Variants in JADE2 observed in about 807,000 individuals in gnomAD.
The protein encoded by JADE2 is jade family PHD finger 2, also known as E3 ubiquitin-protein ligase Jade-2.
JADE2 carries 13 observed loss-of-function variants against 85.7 expected under a neutral mutation model. The ratio of observed to expected loss-of-function variants is 0.15; its 90% confidence interval spans 0.10 to 0.24. The LOEUF (loss-of-function observed/expected upper bound fraction) is 0.24. Among genes scored for constraint, JADE2 ranks in the 10% least tolerant of loss-of-function variants. JADE2 has a pLI of 1.00. For missense variants in JADE2, 846 were observed against 1,115.9 expected (o/e 0.76, Z 3.45); for synonymous variants, 440 against 456.1 (o/e 0.96, Z 0.45).
In JADE2 at chr5:134,580,433, C is replaced by CCA. The variant is rs1554131268; in HGVS notation, c.*1117_*1118insAC. On this transcript the variant is annotated 3_prime_UTR_variant, in exon 12 of 12. Coordinates refer to ENST00000681547, the MANE Select transcript of JADE2 (RefSeq NM_001388185.1). Reference sequence around the variant, plus strand: ...AACCCCTCGCACAGCCATCCCCCCCCCCGTCCTGCCATCCCCCCCCGCCGT... The same window carrying CCA: ...AACCCCTCGCACAGCCATCCCCCCCCCACCGTCCTGCCATCCCCCCCCGCCGT... 1.6e-5 allele frequency: 2 copies of CCA among 128,862 alleles called. No homozygotes were observed. Among genetic ancestry groups the CCA allele is most frequent in the East Asian group, 5.8e-4 (2 of 3,464 alleles). The allele number at this position is 128,862 out of a possible 1,614,324, so 8.0% of individuals were successfully genotyped here.
intron 1 of JADE2, among the ~76,000 whole-genome samples, chr5:134,531,210 G>A (rs1761212808): frequency 6.6e-6 from 1 of 152,160 alleles, no homozygotes; most frequent in Admixed American, 6.5e-5. Flanking sequence ...TGTGCACAGG[G>A]CTCGAAGTAT....
chr5:134,541,280 G>A (rs1223021811), intron 3 of JADE2, among the ~76,000 whole-genome samples: 1 of 152,234 alleles, frequency 6.6e-6, no homozygotes, highest in East Asian at 1.9e-4. Context: ...AGCCGTGGCC[G>A]GCATAAATTC....
intron 9 of JADE2, among the ~76,000 whole-genome samples, chr5:134,570,562 CCGGGTTTCCG>C (rs1044429776): frequency 1.3e-5 from 2 of 152,204 alleles, no homozygotes; most frequent in African/African-American, 4.8e-5. Flanking sequence ...CCCACTCTGG[CCGGGTTTCCG>C]CCACATCCCA....
In JADE2 at chr5:134,581,917, T is replaced by G. The variant is rs1328191970; in HGVS notation, c.*2600T>G. ...CTCCCCCAGTTCCCAGCCTTTCCCC[T>G]GTTGGTCACAGCCGCTTCTGTCTTT... On this transcript the variant is annotated 3_prime_UTR_variant, in exon 12 of 12. Transcript: ENST00000681547. 1 of 152,376 alleles carries G rather than the reference T, an allele frequency of 6.6e-6. No homozygotes were observed. Among genetic ancestry groups the G allele is most frequent in the Non-Finnish European group, 1.5e-5 (1 of 68,174 alleles). The allele number at this position is 152,376 out of a possible 1,614,324, so 9.4% of individuals were successfully genotyped here. A position where few individuals can be genotyped will look rare whatever the true frequency, so the allele number is the denominator to read the frequency against.
rs757432320 is a variant in JADE2, at chr5:134,578,991, G to A, written c.2179G>A (p.Glu727Lys). 1.7e-5 allele frequency: 27 copies of A among 1,613,676 alleles called. No homozygotes were observed. The highest frequency in any genetic ancestry group is 1.6e-4 in the Middle Eastern group (1 of 6,084). ...GCCACTGGCCCCTGAGACCCCGGAC[G>A]AGGCAGCCTCAGTAGCTGCTGACTC... ...PPPLAPETPD[E>K]AASVAADSDV... The change falls in exon 12 of 12, where the codon GAG becomes AAG. Residue 727 changes from glutamate (E) to lysine (K), a missense_variant. Glu to Lys is a moderately conservative substitution (Grantham distance 56). Around this residue, in one of 9 missense-constraint regions of JADE2, gnomAD observed 300 missense variants for 300.7 expected, o/e 1.00. Transcript: ENST00000681547. This position sits in a 1 kb window ranked among gnomAD's most constrained non-coding sequence, Gnocchi z 4.4.
Position 134,566,583 on chromosome 5 carries a change from G to A in JADE2, c.1434+3G>A. The A allele has an allele frequency of 6.5e-7, 1 of 1,545,040 alleles. No homozygotes were observed. Among genetic ancestry groups the A allele is most frequent in the Non-Finnish European group, 8.8e-7 (1 of 1,142,436 alleles). ...ATCTGCGGCAGGACCTAGAGAGGGT[G>A]AGTCCCCATGCCGCCTGCCCACCCC... On this transcript the variant is annotated splice_donor_region_variant and intron_variant, in intron 9 of 11. Transcript: ENST00000681547. The surrounding 1 kb of genome is among the most constrained non-coding windows in gnomAD (Gnocchi z 6.7).
rs1206322597 is a variant in JADE2 at position 134,552,985 on chromosome 5, G to A, written c.311+776G>A. 1.2e-4 allele frequency among the ~76,000 whole-genome samples: 11 copies of A among 88,978 alleles called. No individual in the cohort carries two copies. In the Admixed American group the frequency reaches 1.5e-3, roughly 12 times the overall value. The allele number at this position is 88,978 out of a possible 152,430, so 58.4% of individuals were successfully genotyped here. A position where few individuals can be genotyped will look rare whatever the true frequency, so the allele number is the denominator to read the frequency against. On this transcript the variant is annotated intron_variant, in intron 4 of 11. Transcript: ENST00000681547. ...AGCCAGCCGTAAGCCTCTGGGCCTG[G>A]CCTTTTTTTTTTTTTTTTTTTTTTT...
At chr5:134,574,211 T>G (rs1764224797) in intron 10 of JADE2, 1 of 254,738 alleles carries the variant, frequency 3.9e-6, no homozygotes, top group African/African-American at 2.3e-5. Flanking sequence ...TGGCTGTTGT[T>G]TCTCTCTGAC....
intron 1 of JADE2, 138 bp downstream of exon 1, chr5:134,526,149 T>G: frequency 3.0e-6 from 3 of 985,352 alleles, no homozygotes; most frequent in Non-Finnish European, 3.6e-6. Flanking sequence ...GCTGGCTGCC[T>G]GTTCTAGGAA....
chr5:134,576,160 C>T (rs1203602720), intron 10 of JADE2, among the ~76,000 whole-genome samples: 1 of 152,178 alleles, frequency 6.6e-6, no homozygotes, highest in East Asian at 1.9e-4. Flanking sequence ...GATTGTACTA[C>T]TGCGCTCCAT....
At chr5:134,577,728 C>T (rs1479476478) in intron 11 of JADE2, among the ~76,000 whole-genome samples, 2 of 152,152 alleles carry the variant, frequency 1.3e-5, no homozygotes, top group African/African-American at 2.4e-5. Flanking sequence ...AAGGGGATAA[C>T]TTGGGTGTCT....
At chr5:134,548,120 T>C (rs923160946) in intron 3 of JADE2, among the ~76,000 whole-genome samples, 2 of 152,334 alleles carry the variant, frequency 1.3e-5, no homozygotes, top group East Asian at 1.9e-4. Context: ...CAGGGCCTCA[T>C]TGGCTCTGCA....
chr5:134,543,844 G>A (rs1163054900), intron 3 of JADE2, among the ~76,000 whole-genome samples: 1 of 152,150 alleles, frequency 6.6e-6, no homozygotes, highest in African/African-American at 2.4e-5. Flanking sequence ...GAGGGAGGGA[G>A]GCTCTCCAGC....
At chr5:134,570,031 C>T (rs915225903) in intron 9 of JADE2, among the ~76,000 whole-genome samples, 1 of 152,178 alleles carries the variant, frequency 6.6e-6, no homozygotes, top group African/African-American at 2.4e-5. Context: ...CCTTCTTTGT[C>T]CTGCTTTCTT....
In JADE2 at chr5:134,525,990, C is replaced by T. The variant is rs570287830; in HGVS notation, c.-22C>T. 525 of 985,534 alleles carry T rather than the reference C, an allele frequency of 5.3e-4. 2 individuals are homozygous for T. The African/African-American group carries it at 7.6e-3, about 14-fold the overall frequency. The allele number at this position is 985,534 out of a possible 1,614,324, so 61.0% of individuals were successfully genotyped here. ...GCGCGTAGCCGAGGGCAGCGCCCGT[C>T]AGGGGGGCACCGCGGAGCAAGGTAA... On this transcript the variant is annotated 5_prime_UTR_variant, in exon 1 of 12. Coordinates refer to ENST00000681547, the MANE Select transcript of JADE2 (RefSeq NM_001388185.1).
chr5:134,535,934 G>A lies in JADE2; in HGVS notation c.58+19G>A, dbSNP rs1316169165. ...ACTGACAGTAAGGCCTTCCAGTTTG[G>A]GCTCCTACAGGGAAAGCATTTGAAC... On this transcript the variant is annotated intron_variant, in intron 2 of 11. Transcript: ENST00000681547. The A allele has an allele frequency of 6.2e-7, 1 of 1,609,238 alleles. No homozygotes were observed. The highest frequency in any genetic ancestry group is 1.7e-5 in the Admixed American group (1 of 59,992).
chr5:134,559,607 G>A (rs1466668791), intron 4 of JADE2, among the ~76,000 whole-genome samples: 1 of 152,202 alleles, frequency 6.6e-6, no homozygotes, highest in African/African-American at 2.4e-5. Flanking sequence ...TGCCCTTTGG[G>A]TTTTCTGTGT....
Position 134,566,214 on chromosome 5 carries a change from G to A in JADE2, c.1068G>A (p.Lys356=), listed in dbSNP as rs1388104945. ...TATTAGCAGACAACGATGAGGTCAAGTTCAAGTCATTCTGCCAGGAGCACA... is the reference window on the plus strand; with the variant it reads ...TATTAGCAGACAACGATGAGGTCAAATTCAAGTCATTCTGCCAGGAGCACA... ...RTILADNDEV[K]FKSFCQEHSD... The change falls in exon 9 of 12, where the codon AAG becomes AAA. Residue 356 remains lysine, a synonymous_variant. Coordinates refer to ENST00000681547, the MANE Select transcript of JADE2 (RefSeq NM_001388185.1). The surrounding 1 kb of genome is among the most constrained non-coding windows in gnomAD (Gnocchi z 6.7). 3 of 1,614,142 alleles carry A rather than the reference G, an allele frequency of 1.9e-6. No homozygotes were observed. The highest frequency in any genetic ancestry group is 8.5e-7 in the Non-Finnish European group (1 of 1,180,040).
In JADE2 at chr5:134,582,388, C is replaced by G. The variant is rs1238323816; in HGVS notation, c.*3071C>G. The G allele has an allele frequency of 2.0e-5, 3 of 150,218 alleles. No individual in the cohort carries two copies. The allele number at this position is 150,218 out of a possible 1,614,324, so 9.3% of individuals were successfully genotyped here. A position where few individuals can be genotyped will look rare whatever the true frequency, so the allele number is the denominator to read the frequency against. On this transcript the variant is annotated 3_prime_UTR_variant, in exon 12 of 12. Transcript: ENST00000681547. The stretch of plus-strand genomic sequence containing the variant: ...GTGGGGGGTGTGCCAGGCCACGTCT[C>G]GTGTGTCCGTATGCAGGCATGCCTG...
Sources: allele counts gnomAD v4.1 joint callset (sites outside exome capture counted in the v4.1 genomes callset), GRCh38; gene constraint gnomAD v4.1.1; regional missense constraint gnomAD v4.1.1; non-coding constraint Gnocchi (gnomAD v3.1); transcripts MANE v1.5; gene names NCBI Gene and HGNC (gene_info 2026-07-23, HGNC 2026-07-21).